Variants in ALS2CL observed in about 807,000 individuals in gnomAD.
ALS2CL encodes ALS2 C-terminal like, also known as ALS2 C-terminal-like protein.
ALS2CL carries 112 observed loss-of-function variants against 127.9 expected under a neutral mutation model. The observed-to-expected ratio is 0.88, with a 90% CI of 0.75 to 1.02. The LOEUF (loss-of-function observed/expected upper bound fraction) is 1.02. Ranked by LOEUF, ALS2CL falls within the 50% of genes least tolerant of loss-of-function variation. The pLI is 0.00. For missense variants in ALS2CL, 1,174 were observed against 1,236.7 expected, an observed-to-expected ratio of 0.95 and a Z score of 0.76; for synonymous variants, 519 against 527.6, an observed-to-expected ratio of 0.98 and a Z score of 0.22.
At chr3:46,680,576 G>T in intron 13 of ALS2CL, 35 bp from the exon 14 acceptor site, 1 of 1,593,596 alleles carries the variant, frequency 6.3e-7, no homozygotes, top group South Asian at 1.1e-5. Context: ...AGTTGGATCA[G>T]ACTCATTCCC....
chr3:46,676,092 C>A, intron 19 of ALS2CL, 153 bp downstream of exon 19: 3 of 1,384,280 alleles, frequency 2.2e-6, no homozygotes, highest in Non-Finnish European at 2.9e-6. Context: ...ACCCTCTAAC[C>A]CTTTTGCTCA....
Position 46,673,339 on chromosome 3 carries a change from C to A in ALS2CL, c.2472G>T (p.Gln824His). The A allele has an allele frequency of 6.4e-7, 1 of 1,564,316 alleles. No individual in the cohort carries two copies. Among genetic ancestry groups the A allele is most frequent in the Non-Finnish European group, 8.7e-7 (1 of 1,154,140 alleles). Residue 824 changes from glutamine to histidine, a missense_variant and splice_region_variant, in exon 22 of 26, where the codon CAG becomes CAT. Gln to His is a conservative substitution (Grantham distance 24, BLOSUM62 0). Transcript: ENST00000318962. The part of the protein sequence containing the change: ...PLKDLTLTSN[Q>H]RYSLVRDKCF... ...CTTGGGGCTCTGGCCTCCCTCTCAC[C>A]TGATTGCTCGTCAGCGTGAGGTCCT...
Position 46,686,297 on chromosome 3 carries a change from C to A in ALS2CL, c.666+11G>T. 1 of 1,603,196 alleles carries A rather than the reference C, an allele frequency of 6.2e-7. No homozygotes were observed. On this transcript the variant is annotated intron_variant, in intron 6 of 25. Transcript: ENST00000318962. This position sits in a 1 kb window ranked among gnomAD's most constrained non-coding sequence, Gnocchi z 4.3. ...CCCCCTCCCTAACTGCCCCTCAGGCCCCCAACTCACCCTCAGCCGGCCTCT... is the reference window on the plus strand; with the variant it reads ...CCCCCTCCCTAACTGCCCCTCAGGCACCCAACTCACCCTCAGCCGGCCTCT...
rs1168325234 is a variant in ALS2CL, at chr3:46,682,038, A to G, written c.1166T>C (p.Leu389Pro). The change falls in exon 11 of 26, where the codon CTG becomes CCG. Residue 389 changes from leucine (L) to proline (P), a missense_variant. Physicochemically the swap from Leu to Pro is moderately conservative, Grantham distance 98 (BLOSUM62 -3). Transcript: ENST00000318962. ...CCCCAGCCAGCCTTACCCATGCTCC[A>G]GGCCCTGGCAGAAATTCCCCACGTG... ...RNHVGNFCQG[L>P]EHGFGIRLLP... 3.1e-6 allele frequency: 5 copies of G among 1,613,892 alleles called. No individual in the cohort carries two copies. Among genetic ancestry groups the G allele is most frequent in the Non-Finnish European group, 4.2e-6 (5 of 1,179,964 alleles).
chr3:46,687,038 T>C lies in ALS2CL; in HGVS notation c.479A>G (p.His160Arg). ...GAGGAGCACGTACTGTTGCACGTGA[T>C]GGGCGAGTGGCTGGTGGAGGGCCTG... ...LGQALHQPLAHHVQQYVLLLL... is the reference protein window; with the variant it reads ...LGQALHQPLARHVQQYVLLLL... Residue 160 changes from histidine to arginine, a missense_variant, in exon 5 of 26, where the codon CAT becomes CGT. By Grantham distance (29) the His-to-Arg change is conservative. Transcript: ENST00000318962. The C allele has an allele frequency of 6.2e-7, 1 of 1,605,488 alleles. No individual in the cohort carries two copies. Among genetic ancestry groups the C allele is most frequent in the Non-Finnish European group, 8.5e-7 (1 of 1,179,146 alleles).
rs150298557 is a variant in ALS2CL, at chr3:46,675,621, G to T, written c.2252C>A (p.Thr751Lys). ...CAAGGAGACCTGCGCCAGTCACCTT[G>T]TCTCTGTGTCTTCATCCTCCTCCAG... ...QALEEDEDTE[T>K]RDLQVHGLVL... is the part of the protein sequence containing the mutation. The change falls in exon 20 of 26, where the codon ACA (threonine) becomes AAA (lysine). Residue 751 changes from threonine to lysine, a missense_variant. Coordinates refer to ENST00000318962, the MANE Select transcript of ALS2CL (RefSeq NM_147129.5). The T allele has an allele frequency of 6.8e-6, 11 of 1,613,752 alleles. No individual in the cohort carries two copies. In the African/African-American group the frequency reaches 8.0e-5, roughly 12 times the overall value.
intron 2 of ALS2CL, 78 bp from the exon 3 acceptor site, chr3:46,688,374 G>T: frequency 7.1e-7 from 1 of 1,403,718 alleles, no homozygotes; most frequent in Non-Finnish European, 9.8e-7. Context: ...GGCCCCAGGT[G>T]TTCACATGAG....
At chr3:46,687,728 C>T in intron 3 of ALS2CL, 44 bp from the exon 4 acceptor site, 2 of 1,580,970 alleles carry the variant, frequency 1.3e-6, no homozygotes, top group South Asian at 1.2e-5. Flanking sequence ...AGTCCTCAGC[C>T]CCAGACCTAA....
chr3:46,681,331 G>T lies in ALS2CL; in HGVS notation c.1351C>A (p.Pro451Thr). The change falls in exon 13 of 26, where the codon CCG becomes ACG. Residue 451 changes from proline to threonine, a missense_variant. By Grantham distance (38) the Pro-to-Thr change is conservative (BLOSUM62 -1). Transcript: ENST00000318962. The surrounding 1 kb of genome is among the most constrained non-coding windows in gnomAD (Gnocchi z 4.9). ...RHGFGVLESGPQAPQPFRYTG... is the reference protein window; with the variant it reads ...RHGFGVLESGTQAPQPFRYTG... ...TACCTGAAGGGCTGGGGGGCCTGCG[G>T]ACCACTCTCAAGGACCCCAAATCCG... 5.0e-6 allele frequency: 8 copies of T among 1,613,628 alleles called. No individual in the cohort carries two copies. The highest frequency in any genetic ancestry group is 6.8e-6 in the Non-Finnish European group (8 of 1,179,700).
intron 10 of ALS2CL, among the ~76,000 whole-genome samples, chr3:46,682,525 G>A (rs142063124): frequency 1.3e-5 from 2 of 152,274 alleles, no homozygotes; most frequent in South Asian, 2.1e-4. Context: ...AGAAACTAGC[G>A]GAGGTGCTTG....
chr3:46,677,937 C>T (rs1698993885), intron 16 of ALS2CL, among the ~76,000 whole-genome samples: 1 of 136,636 alleles, frequency 7.3e-6, no homozygotes, highest in Non-Finnish European at 1.5e-5. Context: ...AACATATGCT[C>T]TTATTTTCTA....
chr3:46,681,471 C>T lies in ALS2CL; in HGVS notation c.1274+29G>A, dbSNP rs554385499. 1 of 1,613,916 alleles carries T rather than the reference C, an allele frequency of 6.2e-7. No individual in the cohort carries two copies. The highest frequency in any genetic ancestry group is 1.1e-5 in the South Asian group (1 of 91,060). ...GCTCAGCCCAGAGGATGGGCCCAGC[C>T]CATGAACCCCCCAGCCAGGGTCACT... is the stretch of plus-strand genomic sequence containing the variant. On this transcript the variant is annotated intron_variant, in intron 12 of 25. Transcript: ENST00000318962. This position sits in a 1 kb window ranked among gnomAD's most constrained non-coding sequence, Gnocchi z 4.9.
chr3:46,679,514 C>A, intron 14 of ALS2CL: 1 of 341,554 alleles, frequency 2.9e-6, no homozygotes, highest in Non-Finnish European at 5.3e-6. Flanking sequence ...AAATGACACC[C>A]TCCGCCCTGG....
At position 46,679,422 on chromosome 3, in the gene ALS2CL, C is replaced by A. The variant is rs1559468239; in HGVS notation, c.1549-135G>T. On this transcript the variant is annotated intron_variant, in intron 14 of 25. Coordinates refer to ENST00000318962, the MANE Select transcript of ALS2CL (RefSeq NM_147129.5). ...AGAGGGGCCCTGAGCCTCATCACGCCCCACAGGACTGTACCTAATTGGGAC... is the reference window on the plus strand; with the variant it reads ...AGAGGGGCCCTGAGCCTCATCACGCACCACAGGACTGTACCTAATTGGGAC... 5.4e-6 allele frequency: 4 copies of A among 739,852 alleles called. No homozygotes were observed. In the Admixed American group the frequency reaches 7.6e-5, roughly 14 times the overall value. The allele number at this position is 739,852 out of a possible 1,614,324, so 45.8% of individuals were successfully genotyped here. A position where few individuals can be genotyped will look rare whatever the true frequency, so the allele number is the denominator to read the frequency against.
At chr3:46,684,631 G>A (rs1485125532) in intron 7 of ALS2CL, among the ~76,000 whole-genome samples, 1 of 152,210 alleles carries the variant, frequency 6.6e-6, no homozygotes, top group Non-Finnish European at 1.5e-5. Flanking sequence ...GACGTGGGAG[G>A]CCCAGGCCTG....
chr3:46,682,376 G>A (rs1699423227), intron 10 of ALS2CL, among the ~76,000 whole-genome samples: 2 of 152,206 alleles, frequency 1.3e-5, no homozygotes, highest in African/African-American at 4.8e-5. Context: ...TGACCAACAG[G>A]AAGCTCAGAG....
rs1347765500 is a variant in ALS2CL, at chr3:46,687,653, C to T, written c.334G>A (p.Val112Met). ...TTTGCTGCCTTCTGGAAGGCCTGCACCACCATGCAGCTTGTGTAGGACTCA... is the reference window on the plus strand; with the variant it reads ...TTTGCTGCCTTCTGGAAGGCCTGCATCACCATGCAGCTTGTGTAGGACTCA... ...YIESYTSCMV[V>M]QAFQKAAKRR... Residue 112 changes from valine to methionine, a missense_variant, in exon 4 of 26, where the codon GTG (valine) becomes ATG (methionine). Val to Met is a conservative substitution (Grantham distance 21). Transcript: ENST00000318962. 6.2e-7 allele frequency: 1 copy of T among 1,613,284 alleles called. No individual in the cohort carries two copies. The highest frequency in any genetic ancestry group is 8.5e-7 in the Non-Finnish European group (1 of 1,179,772).
rs1699718891 is a variant in ALS2CL at position 46,685,771 on chromosome 3, C to A, written c.667-127G>T. 4.4e-6 allele frequency: 6 copies of A among 1,354,718 alleles called. No individual in the cohort carries two copies. The Admixed American group carries it at 1.5e-4, about 34-fold the overall frequency. The allele number at this position is 1,354,718 out of a possible 1,614,324, so 83.9% of individuals were successfully genotyped here. A position where few individuals can be genotyped will look rare whatever the true frequency, so the allele number is the denominator to read the frequency against. ...CCCCCTCCAGTAGACCTGGAGCGGA[C>A]CCTGGGTCAGAGATAGGCAGAAATG... On this transcript the variant is annotated intron_variant, in intron 6 of 25. Transcript: ENST00000318962.
At chr3:46,690,499 G>T (rs909395933) in intron 1 of ALS2CL, among the ~76,000 whole-genome samples, 1 of 152,176 alleles carries the variant, frequency 6.6e-6, no homozygotes, top group Admixed American at 6.5e-5. Context: ...TAAAGGGAGG[G>T]GTGAAGAGAG....
Sources: allele counts gnomAD v4.1 joint callset (sites outside exome capture counted in the v4.1 genomes callset), GRCh38; gene constraint gnomAD v4.1.1; non-coding constraint Gnocchi (gnomAD v3.1); transcripts MANE v1.5; gene names NCBI Gene and HGNC (gene_info 2026-07-23, HGNC 2026-07-21).